FGA: variants seen among roughly 807,000 people sequenced by gnomAD.
The protein encoded by FGA is fibrinogen alpha chain.
In FGA, 20 loss-of-function variants were observed where a neutral mutation model predicts 20.3. The ratio of observed to expected loss-of-function variants is 0.99; its 90% confidence interval spans 0.69 to 1.43. The LOEUF (loss-of-function observed/expected upper bound fraction) is 1.43, where lower values mean the gene tolerates loss of function less well. Among genes scored for constraint, FGA ranks in the 40% most tolerant of loss-of-function variants. The probability of loss-of-function intolerance (pLI) is 0.00; values close to 1 mark genes in which losing one functional copy is unlikely to be tolerated. For missense variants in FGA, 777 were observed against 784.7 expected, an observed-to-expected ratio of 0.99 and a Z score of 0.12; for synonymous variants, 306 against 281.6, an observed-to-expected ratio of 1.09 and a Z score of -0.87.
chr4:154,584,682 T>G, downstream of FGA: 1 of 1,614,126 alleles, frequency 6.2e-7, no homozygotes, highest in Non-Finnish European at 8.5e-7. Context: ...AATTCAGTGA[T>G]CCATCCATTC....
At position 154,585,315 on chromosome 4, in the gene FGA, C is replaced by G; in HGVS notation, c.*179G>C. On this transcript the variant is annotated 3_prime_UTR_variant, in exon 5 of 5. Coordinates refer to ENST00000403106, the MANE Select transcript of FGA (RefSeq NM_021871.4). ...AACATGTATTTATTGAGTCATGGCT[C>G]TGTACTGTTAGGCATTTGGGAATAC... The G allele has an allele frequency of 1.6e-6, 2 of 1,236,104 alleles. No homozygotes were observed. Among genetic ancestry groups the G allele is most frequent in the Non-Finnish European group, 2.2e-6 (2 of 915,820 alleles). 76.6% of individuals were successfully genotyped at this position (1,236,104 alleles called of 1,614,324 possible).
Position 154,588,984 on chromosome 4 carries a change from T to G in FGA, c.181-8A>C, listed in dbSNP as rs1327116019. 2 of 1,609,432 alleles carry G rather than the reference T, an allele frequency of 1.2e-6. No homozygotes were observed. Among genetic ancestry groups the G allele is most frequent in the Non-Finnish European group, 1.7e-6 (2 of 1,175,944 alleles). On this transcript the variant is annotated splice_polypyrimidine_tract_variant and splice_region_variant and intron_variant, in intron 2 of 4. Transcript: ENST00000403106. ...AGAAGGGCATTTGTAGTTCTGAAAG[T>G]GAAGGGAGAAAATTACAGTAAGGAT... is the stretch of plus-strand genomic sequence containing the variant.
intron 2 of FGA, 147 bp downstream of exon 2, chr4:154,589,290 G>A: frequency 1.1e-6 from 1 of 917,992 alleles, no homozygotes; most frequent in Non-Finnish European, 1.7e-6. Context: ...GTGCTCTTGG[G>A]AGTAGGTTCC....
In FGA at chr4:154,589,552, C is replaced by T. The variant is rs746520934; in HGVS notation, c.65G>A (p.Ser22Asn). Residue 22 changes from serine (S) to asparagine (N), a missense_variant, in exon 2 of 5, where the codon AGT (serine) becomes AAT (asparagine). Coordinates refer to ENST00000403106, the MANE Select transcript of FGA (RefSeq NM_021871.4). Reference protein sequence around the residue: ...SVVGTAWTADSGEGDFLAEGG... With the variant: ...SVVGTAWTADNGEGDFLAEGG... Reference sequence around the variant, plus strand: ...TTCAGCTAGAAAGTCACCTTCACCACTATCTGCAGTCTTTAAAGATTCATT... The same window carrying T: ...TTCAGCTAGAAAGTCACCTTCACCATTATCTGCAGTCTTTAAAGATTCATT... 6.2e-7 allele frequency: 1 copy of T among 1,613,372 alleles called. No individual in the cohort carries two copies.
At position 154,585,436 on chromosome 4, in the gene FGA, A is replaced by C. The variant is rs1054664217; in HGVS notation, c.*58T>G. The C allele has an allele frequency of 1.6e-6, 2 of 1,269,360 alleles. No individual in the cohort carries two copies. Among genetic ancestry groups the C allele is most frequent in the South Asian group, 2.5e-5 (2 of 80,678 alleles). The allele number at this position is 1,269,360 out of a possible 1,614,324, so 78.6% of individuals were successfully genotyped here. ...GTAGTTTCAATGACGTGTAACAGAGAGTTAAGAAGGAAATGCAAGGGGCCA... is the reference window on the plus strand; with the variant it reads ...GTAGTTTCAATGACGTGTAACAGAGCGTTAAGAAGGAAATGCAAGGGGCCA... On this transcript the variant is annotated 3_prime_UTR_variant, in exon 5 of 5. Coordinates refer to ENST00000403106, the MANE Select transcript of FGA (RefSeq NM_021871.4).
chr4:154,588,701 G>A lies in FGA; in HGVS notation c.364+92C>T, dbSNP rs190860718. On this transcript the variant is annotated intron_variant, in intron 3 of 4. Transcript: ENST00000403106. ...GTTTCTACACTAAGTACTTTGGGAT[G>A]AAATTGTCATAGATATAAGCGGATA... The A allele has an allele frequency of 5.9e-4, 562 of 958,604 alleles. 1 individual carries two copies. In the African/African-American group the frequency reaches 7.8e-3, roughly 13 times the overall value. The allele number at this position is 958,604 out of a possible 1,614,324, so 59.4% of individuals were successfully genotyped here.
chr4:154,589,109 G>A, intron 2 of FGA, 133 bp from the exon 3 acceptor site: 1 of 808,586 alleles, frequency 1.2e-6, no homozygotes, highest in Non-Finnish European at 2.1e-6. Context: ...GTAGGTAAGA[G>A]GACTAGTTAG....
At chr4:154,584,588 A>G, downstream of FGA, 3 of 1,614,156 alleles carry the variant, frequency 1.9e-6, no homozygotes, top group South Asian at 1.1e-5. Context: ...AAGTGGAGGT[A>G]GTCATTGCCT....
chr4:154,590,569 C>T (rs1353901218), intron 1 of FGA, 65 bp downstream of exon 1: 1 of 1,352,546 alleles, frequency 7.4e-7, no homozygotes, highest in African/African-American at 1.4e-5. Flanking sequence ...AGACTCTGAC[C>T]TCCAGGCTCT....
chr4:154,584,108 T>C (rs1730648128), downstream of FGA: 2 of 1,591,598 alleles, frequency 1.3e-6, no homozygotes, highest in Non-Finnish European at 8.6e-7. Flanking sequence ...AGTGCTCCCA[T>C]TCCCACTTCT....
At chr4:154,584,000 G>C (rs1170729740), downstream of FGA, 9 of 771,090 alleles carry the variant, frequency 1.2e-5, no homozygotes, top group East Asian at 2.4e-4. Context: ...ACAGTACAAA[G>C]GATAAGAAAA....
At position 154,585,758 on chromosome 4, in the gene FGA, T is replaced by C; in HGVS notation, c.1671A>G (p.Thr557=). The part of the protein sequence containing the change: ...RGSESGIFTN[T]KESSSHHPGI... ...CAGGGTGATGAGAACTGGATTCCTT[T>C]GTATTTGTGAAGATGCCAGATTCTG... is the stretch of plus-strand genomic sequence containing the variant. Residue 557 remains threonine, a synonymous_variant, in exon 5 of 5, where the codon ACA becomes ACG. Coordinates refer to ENST00000403106, the MANE Select transcript of FGA (RefSeq NM_021871.4). 1 of 1,614,152 alleles carries C rather than the reference T, an allele frequency of 6.2e-7. No individual in the cohort carries two copies.
Sources: gnomAD v4.1 joint callset for allele counts on GRCh38, gnomAD v4.1.1 for gene constraint, MANE v1.5 for transcripts, NCBI Gene and HGNC (gene_info 2026-07-23, HGNC 2026-07-21) for gene names.